CFAP299: variants seen among roughly 807,000 people sequenced by gnomAD.
CFAP299 encodes the protein cilia and flagella associated protein 299.
A neutral mutation model predicts 27.0 loss-of-function variants in CFAP299; 21 were observed. The observed-to-expected ratio is 0.78, with a 90% CI of 0.55 to 1.12. The LOEUF (loss-of-function observed/expected upper bound fraction) is 1.12. Ranked by LOEUF, CFAP299 falls within the 50% of genes most tolerant of loss-of-function variation. The pLI is 0.00. For missense variants in CFAP299, 310 were observed against 276.6 expected, an observed-to-expected ratio of 1.12 and a Z score of -0.86; for synonymous variants, 104 against 98.1, an observed-to-expected ratio of 1.06 and a Z score of -0.36.
At chr4:80,849,050 G>A (rs72865122) in intron 3 of CFAP299, among the ~76,000 whole-genome samples, 1 of 151,950 alleles carries the variant, frequency 6.6e-6, no homozygotes, top group African/African-American at 2.4e-5. Flanking sequence ...TTTACTTTAT[G>A]AAATTTCAAA....
At chr4:80,372,972 G>A (rs1724220098) in intron 2 of CFAP299, among the ~76,000 whole-genome samples, 1 of 152,200 alleles carries the variant, frequency 6.6e-6, no homozygotes, top group South Asian at 2.1e-4. Context: ...CCAGCAAGTA[G>A]CACTGCAACT....
chr4:80,603,078 A>G (rs893698983), intron 3 of CFAP299, among the ~76,000 whole-genome samples: 9 of 152,204 alleles, frequency 5.9e-5, no homozygotes, highest in Non-Finnish European at 1.2e-4. Context: ...ATCTCTAAGC[A>G]TGACACCAAA....
chr4:80,621,965 T>C (rs1329687826), intron 3 of CFAP299, among the ~76,000 whole-genome samples: 1 of 151,814 alleles, frequency 6.6e-6, no homozygotes, highest in East Asian at 1.9e-4. Flanking sequence ...AAACCAGTAG[T>C]GATAGAGTGA....
intron 4 of CFAP299, among the ~76,000 whole-genome samples, chr4:80,924,209 A>G (rs1023551100): frequency 6.6e-6 from 1 of 151,950 alleles, no homozygotes; most frequent in Non-Finnish European, 1.5e-5. Flanking sequence ...ATTTTGTGAA[A>G]CTTTTGTTCA....
intron 1 of CFAP299, among the ~76,000 whole-genome samples, chr4:80,340,060 T>C (rs1046609846): frequency 6.6e-6 from 1 of 152,196 alleles, no homozygotes; most frequent in African/African-American, 2.4e-5. Flanking sequence ...TAGAAGCAAC[T>C]GCAGTCCATG....
At chr4:80,564,417 A>G (rs542628992) in intron 2 of CFAP299, among the ~76,000 whole-genome samples, 15 of 152,186 alleles carry the variant, frequency 9.9e-5, no homozygotes, top group African/African-American at 3.6e-4. Context: ...AAACAGAATG[A>G]AGGATAAAAA....
intron 4 of CFAP299, among the ~76,000 whole-genome samples, chr4:80,906,525 T>C (rs1357667739): frequency 6.6e-6 from 1 of 152,230 alleles, no homozygotes; most frequent in Non-Finnish European, 1.5e-5. Context: ...CTAGCAGTTG[T>C]TCCCCTTGAG....
At chr4:80,666,756 A>G (rs1358793232) in intron 3 of CFAP299, among the ~76,000 whole-genome samples, 2 of 152,214 alleles carry the variant, frequency 1.3e-5, no homozygotes, top group African/African-American at 4.8e-5. Flanking sequence ...TGTGACCTAC[A>G]TGCCACCAAA....
At chr4:80,838,977 A>G (rs1730718206) in intron 3 of CFAP299, among the ~76,000 whole-genome samples, 1 of 152,158 alleles carries the variant, frequency 6.6e-6, no homozygotes, top group Non-Finnish European at 1.5e-5. Context: ...TGATCGTCCT[A>G]GACAACAGTG....
rs181972906 is a variant in CFAP299 at position 80,864,503 on chromosome 4, T to A, written c.334-5490T>A. Among the ~76,000 whole-genome samples, 381 of 147,366 alleles carry A rather than the reference T, an allele frequency of 2.6e-3. 5 individuals carry two copies. The highest frequency in any genetic ancestry group is 8.8e-3 in the African/African-American group (355 of 40,548). The stretch of plus-strand genomic sequence containing the variant: ...ATACATATATACACATATATATACA[T>A]ATATACCTATATATACGTATATATA... On this transcript the variant is annotated intron_variant, in intron 3 of 5. Coordinates refer to ENST00000358105, the MANE Select transcript of CFAP299 (RefSeq NM_152770.3).
chr4:80,547,987 A>C (rs1734324624), intron 2 of CFAP299, among the ~76,000 whole-genome samples: 1 of 152,168 alleles, frequency 6.6e-6, no homozygotes, highest in Non-Finnish European at 1.5e-5. Flanking sequence ...AAGAACTTAA[A>C]ACAGAACTAC....
At chr4:80,703,130 A>C (rs751283261) in intron 3 of CFAP299, among the ~76,000 whole-genome samples, 1 of 151,788 alleles carries the variant, frequency 6.6e-6, no homozygotes, top group Non-Finnish European at 1.5e-5. Flanking sequence ...CTTGCTTGCT[A>C]AATTTTAACC....
Position 80,535,401 on chromosome 4 carries a change from A to G in CFAP299, c.243-47692A>G, listed in dbSNP as rs1338664262. Among the ~76,000 whole-genome samples the G allele has an allele frequency of 1.1e-4, 8 of 69,914 alleles. 1 individual carries two copies. In the East Asian group the frequency reaches 3.2e-3, roughly 28 times the overall value. The allele number at this position is 69,914 out of a possible 152,430, so 45.9% of individuals were successfully genotyped here. On this transcript the variant is annotated intron_variant, in intron 2 of 5. Coordinates refer to ENST00000358105, the MANE Select transcript of CFAP299 (RefSeq NM_152770.3). ...TCCCAGCTACTTGGGAGGCTGAGGCAGGAGAATGGCGTGAACCCGGGAGGC... is the reference window on the plus strand; with the variant it reads ...TCCCAGCTACTTGGGAGGCTGAGGCGGGAGAATGGCGTGAACCCGGGAGGC...
At chr4:80,495,897 C>T (rs1285133212) in intron 2 of CFAP299, among the ~76,000 whole-genome samples, 1 of 152,192 alleles carries the variant, frequency 6.6e-6, no homozygotes, top group African/African-American at 2.4e-5. Flanking sequence ...TGAGCCAGGG[C>T]TGGTGCTGGA....
chr4:80,962,567 A>T (rs558995890), intron 5 of CFAP299, among the ~76,000 whole-genome samples: 3 of 151,980 alleles, frequency 2.0e-5, no homozygotes, highest in South Asian at 2.1e-4. Flanking sequence ...AATAAAATTT[A>T]AAAAAAGAGT....
At chr4:80,686,954 A>G (rs1021637859) in intron 3 of CFAP299, among the ~76,000 whole-genome samples, 7 of 152,200 alleles carry the variant, frequency 4.6e-5, no homozygotes, top group Admixed American at 4.6e-4. Flanking sequence ...CCTCTAATAT[A>G]CCCATATATG....
intron 2 of CFAP299, among the ~76,000 whole-genome samples, chr4:80,557,332 C>T (rs1044667364): frequency 5.9e-5 from 9 of 152,060 alleles, no homozygotes; most frequent in Non-Finnish European, 7.4e-5. Flanking sequence ...TTGATAATCA[C>T]CTTCTCCTGA....
At chr4:80,364,117 C>CACACACACACACACACACACACACACACA (rs1472921150) in intron 2 of CFAP299, among the ~76,000 whole-genome samples, 1 of 151,654 alleles carries the variant, frequency 6.6e-6, no homozygotes, top group African/African-American at 2.4e-5. Flanking sequence ...CACACACACA[C>CACACACACACACACACACACACACACACA]ATTTCTTTGT....
intron 3 of CFAP299, among the ~76,000 whole-genome samples, chr4:80,681,530 T>G (rs1267823358): frequency 6.6e-6 from 1 of 152,146 alleles, no homozygotes; most frequent in Non-Finnish European, 1.5e-5. Flanking sequence ...GAGAGGACAT[T>G]TCTACTTAGG....
Sources: allele counts gnomAD v4.1 joint callset (sites outside exome capture counted in the v4.1 genomes callset), GRCh38; gene constraint gnomAD v4.1.1; transcripts MANE v1.5; gene names NCBI Gene and HGNC (gene_info 2026-07-23, HGNC 2026-07-21).